Variants in LRRC53 observed in about 807,000 individuals in gnomAD.
LRRC53 encodes the protein leucine-rich repeat-containing protein 53.
A neutral mutation model predicts 13.6 loss-of-function variants in LRRC53; 25 were observed. That is an observed-to-expected ratio of 1.83 (90% CI 1.34 to 2.56). LRRC53 has a LOEUF of 2.56. Ranked by LOEUF, LRRC53 falls within the 30% of genes most tolerant of loss-of-function variation. The probability of loss-of-function intolerance (pLI) is 0.00; values close to 1 mark genes in which losing one functional copy is unlikely to be tolerated. For synonymous variants in LRRC53, 204 were observed against 109.8 expected (o/e 1.86, Z -5.37); for missense variants, 527 against 275.8 (o/e 1.91, Z -6.45).
At chr1:74,535,006 A>T in the LRRC53 span, among the ~76,000 whole-genome samples, 1 of 150,206 alleles carries the variant, frequency 6.7e-6, no homozygotes, top group African/African-American at 2.5e-5. Flanking sequence ...GTGGTAACGT[A>T]TAGCCAGATA....
chr1:74,486,911 C>T (rs1202533357), intron 1 of LRRC53, among the ~76,000 whole-genome samples: 2 of 152,174 alleles, frequency 1.3e-5, no homozygotes, highest in Non-Finnish European at 2.9e-5. Context: ...GAAATGACCA[C>T]TGAGATGTAA....
At chr1:74,521,678 C>T in the LRRC53 span, among the ~76,000 whole-genome samples, 1 of 152,118 alleles carries the variant, frequency 6.6e-6, no homozygotes, top group African/African-American at 2.4e-5. Flanking sequence ...CAGCCCTAGT[C>T]GCTATTCTCG....
chr1:74,492,235 A>T, intron 1 of LRRC53: 1 of 1,611,614 alleles, frequency 6.2e-7, no homozygotes, highest in Non-Finnish European at 8.5e-7. Flanking sequence ...ATATGCTCTA[A>T]ATGCAAGGTC....
chr1:74,471,911 A>T lies in LRRC53; in HGVS notation c.1711T>A (p.Ser571Thr), dbSNP rs930427223. The T allele has an allele frequency of 1.8e-5, 9 of 499,782 alleles. No homozygotes were observed. The Admixed American group carries it at 2.3e-4, about 13-fold the overall frequency. 31.0% of individuals were successfully genotyped at this position (499,782 alleles called of 1,614,324 possible). Residue 571 changes from serine (S) to threonine (T), a missense_variant, in exon 5 of 5, where the codon TCT becomes ACT. Ser to Thr is a moderately conservative substitution (Grantham distance 58, BLOSUM62 1). Transcript: ENST00000294635. ...SKPRYFQPNN[S>T]LICKYVPCEQ... ...CAGGGCACATATTTACAGATAAGAGAATTGTTTGGCTGAAAATACCTAGGT... is the reference window on the plus strand; with the variant it reads ...CAGGGCACATATTTACAGATAAGAGTATTGTTTGGCTGAAAATACCTAGGT...
intron 1 of LRRC53, among the ~76,000 whole-genome samples, chr1:74,488,656 G>A (rs958260876): frequency 1.3e-5 from 2 of 151,986 alleles, no homozygotes; most frequent in Admixed American, 6.6e-5. Flanking sequence ...GGTTCATAAT[G>A]GGCAATATTT....
chr1:74,534,951 T>C, the LRRC53 span, among the ~76,000 whole-genome samples: 2 of 152,172 alleles, frequency 1.3e-5, no homozygotes, highest in African/African-American at 4.8e-5. Context: ...CCATTTCAAA[T>C]GAAATGTATT....
At chr1:74,494,779 A>G (rs1669245737) in intron 1 of LRRC53, among the ~76,000 whole-genome samples, 1 of 152,228 alleles carries the variant, frequency 6.6e-6, no homozygotes, top group Admixed American at 6.5e-5. Flanking sequence ...ACTGATAATA[A>G]TACCAGATCT....
chr1:74,512,025 T>C (rs1483851226), intron 1 of LRRC53, among the ~76,000 whole-genome samples: 1 of 152,168 alleles, frequency 6.6e-6, no homozygotes, highest in Non-Finnish European at 1.5e-5. Flanking sequence ...AGGGCAGCTT[T>C]CCTTCATGCA....
At chr1:74,497,193 T>C (rs542912970) in intron 1 of LRRC53, among the ~76,000 whole-genome samples, 10 of 152,258 alleles carry the variant, frequency 6.6e-5, no homozygotes, top group Non-Finnish European at 1.3e-4. Flanking sequence ...GATAGCACCA[T>C]GACACTGATG....
intron 3 of LRRC53, among the ~76,000 whole-genome samples, chr1:74,476,397 C>G (rs1668209201): frequency 6.6e-6 from 1 of 152,054 alleles, no homozygotes; most frequent in African/African-American, 2.4e-5. Flanking sequence ...AATGATTTCC[C>G]TTGTTTTTTC....
intron 2 of LRRC53, among the ~76,000 whole-genome samples, chr1:74,482,097 C>A (rs192589829): frequency 6.6e-6 from 1 of 152,174 alleles, no homozygotes; most frequent in African/African-American, 2.4e-5. Context: ...CTGGCCAGTT[C>A]GGCATTTTGT....
intron 1 of LRRC53, among the ~76,000 whole-genome samples, chr1:74,506,698 CA>C (rs1669920527): frequency 6.6e-6 from 1 of 152,320 alleles, no homozygotes; most frequent in East Asian, 1.9e-4. Context: ...AAGATTTTAA[CA>C]GGCGACTTGC....
rs763269091 is a variant in LRRC53, at chr1:74,483,360, AGTAC to A, written c.-15_-12del. On this transcript the variant is annotated 5_prime_UTR_variant, in exon 2 of 5. Coordinates refer to ENST00000294635, the MANE Select transcript of LRRC53 (RefSeq NM_001382280.1). Reference sequence around the variant, plus strand: ...CACCAACCGCAACATGATGGCAAAGAGTACCAGCCATCCACCTGAAAGGAAAGTA... The same window carrying A: ...CACCAACCGCAACATGATGGCAAAGACAGCCATCCACCTGAAAGGAAAGTA... 2.8e-6 allele frequency: 2 copies of A among 717,210 alleles called. No individual in the cohort carries two copies. 44.4% of individuals were successfully genotyped at this position (717,210 alleles called of 1,614,324 possible). A position where few individuals can be genotyped will look rare whatever the true frequency, so the allele number is the denominator to read the frequency against.
chr1:74,483,355 C>G lies in LRRC53; in HGVS notation c.-6G>C. The G allele has an allele frequency of 1.4e-6, 1 of 717,266 alleles. No individual in the cohort carries two copies. 44.4% of individuals were successfully genotyped at this position (717,266 alleles called of 1,614,324 possible). ...GCTGCCACCAACCGCAACATGATGGCAAAGAGTACCAGCCATCCACCTGAA... is the reference window on the plus strand; with the variant it reads ...GCTGCCACCAACCGCAACATGATGGGAAAGAGTACCAGCCATCCACCTGAA... On this transcript the variant is annotated 5_prime_UTR_variant, in exon 2 of 5. Transcript: ENST00000294635.
rs761357387 is a variant in LRRC53 at position 74,489,305 on chromosome 1, G to C, written c.-26-5930C>G. ...AAAAAAGCCCTGCATATCCAAGGCT[G>C]TCAGGGAATGTAGATGAGCTGGTGC... On this transcript the variant is annotated intron_variant, in intron 1 of 4. Coordinates refer to ENST00000294635, the MANE Select transcript of LRRC53 (RefSeq NM_001382280.1). 5 of 1,549,766 alleles carry C rather than the reference G, an allele frequency of 3.2e-6. No homozygotes were observed. In the South Asian group the frequency reaches 5.9e-5, roughly 18 times the overall value.
intron 1 of LRRC53, among the ~76,000 whole-genome samples, chr1:74,490,050 TAAA>T (rs36063099): frequency 5.0e-3 from 215 of 42,894 alleles, no homozygotes; most frequent in African/African-American, 0.015. Flanking sequence ...TTTTTTTTTC[TAAA>T]AAAAAAAAAA....
intron 1 of LRRC53, among the ~76,000 whole-genome samples, chr1:74,510,258 GC>G (rs1670117667): frequency 6.6e-6 from 1 of 152,142 alleles, no homozygotes; most frequent in Non-Finnish European, 1.5e-5. Flanking sequence ...TGTAATCCCA[GC>G]ACTTTCGGAG....
intron 4 of LRRC53, among the ~76,000 whole-genome samples, chr1:74,473,929 AGGCATAATCAGAGT>A (rs1459192780): frequency 1.3e-5 from 2 of 152,112 alleles, no homozygotes. Context: ...CCAAGTCAGA[AGGCATAATCAGAGT>A]GGCAATTTTT....
At chr1:74,502,956 CT>C (rs1669710074) in intron 1 of LRRC53, among the ~76,000 whole-genome samples, 1 of 152,162 alleles carries the variant, frequency 6.6e-6, no homozygotes, top group African/African-American at 2.4e-5. Context: ...GAACTTCTTC[CT>C]TCTAGGAACT....
Sources: allele counts gnomAD v4.1 joint callset (sites outside exome capture counted in the v4.1 genomes callset), GRCh38; gene constraint gnomAD v4.1.1; transcripts MANE v1.5; gene names NCBI Gene and HGNC (gene_info 2026-07-23, HGNC 2026-07-21).